SLCO5A1: variants seen among roughly 807,000 people sequenced by gnomAD.
SLCO5A1 encodes the protein solute carrier organic anion transporter family member 5A1.
In SLCO5A1, 39 loss-of-function variants were observed where a neutral mutation model predicts 65.1. That is an observed-to-expected ratio of 0.60 (90% CI 0.46 to 0.78). The LOEUF (loss-of-function observed/expected upper bound fraction) is 0.78. Ranked by LOEUF, SLCO5A1 falls within the 30% of genes least tolerant of loss-of-function variation. SLCO5A1 has a pLI of 0.00. For missense variants in SLCO5A1, 1,029 were observed against 1,069.4 expected, an observed-to-expected ratio of 0.96 and a Z score of 0.53; for synonymous variants, 438 against 415.7, an observed-to-expected ratio of 1.05 and a Z score of -0.65.
chr8:69,688,487 TC>T (rs1814097337), intron 6 of SLCO5A1, among the ~76,000 whole-genome samples: 1 of 150,044 alleles, frequency 6.7e-6, no homozygotes, highest in South Asian at 2.1e-4. Flanking sequence ...CCCTCCCCGC[TC>T]CCCCCACCCC....
chr8:69,723,562 C>A (rs1380349921), intron 5 of SLCO5A1, among the ~76,000 whole-genome samples: 1 of 151,978 alleles, frequency 6.6e-6, no homozygotes, highest in Admixed American at 6.6e-5. Context: ...AAGTTAACAT[C>A]TTTCTCAAAA....
At chr8:69,709,308 A>G (rs114318412) in intron 5 of SLCO5A1, among the ~76,000 whole-genome samples, 1 of 152,188 alleles carries the variant, frequency 6.6e-6, no homozygotes, top group East Asian at 1.9e-4. Context: ...TTGAATGTGG[A>G]GGGGAAATTT....
chr8:69,789,040 T>A (rs1025166411), intron 2 of SLCO5A1, among the ~76,000 whole-genome samples: 2 of 152,180 alleles, frequency 1.3e-5, no homozygotes, highest in African/African-American at 2.4e-5. Flanking sequence ...CCCAAACATA[T>A]GTATTTATTT....
At chr8:69,722,903 A>T (rs1434709754) in intron 5 of SLCO5A1, among the ~76,000 whole-genome samples, 1 of 152,162 alleles carries the variant, frequency 6.6e-6, no homozygotes, top group Non-Finnish European at 1.5e-5. Context: ...TGATACAGAG[A>T]TGAGGCAGTG....
At chr8:69,700,894 A>G (rs2933055) in intron 6 of SLCO5A1, among the ~76,000 whole-genome samples, 106,878 of 151,760 alleles carry the variant, frequency 0.7, 39,082 homozygotes, top group African/African-American at 0.91. Context: ...AGCCTACACA[A>G]CCTTTTTGTA....
In SLCO5A1 at chr8:69,755,453, G is replaced by T. The variant is rs2130858825; in HGVS notation, c.1229C>A (p.Ser410Tyr). 6.2e-7 allele frequency: 1 copy of T among 1,613,920 alleles called. No individual in the cohort carries two copies. Among genetic ancestry groups the T allele is most frequent in the Non-Finnish European group, 8.5e-7 (1 of 1,179,984 alleles). The stretch of plus-strand genomic sequence containing the variant: ...GACATCCTTTCCAAATCCCATCGAA[G>T]AAACTTTTTTGTCCGCTTGTTCACT... ...NNSEQADKKV[S>Y]SMGFGKDVRD... Residue 410 changes from serine to tyrosine, a missense_variant, in exon 4 of 10, where the codon TCT becomes TAT. Physicochemically the swap from Ser to Tyr is moderately radical, Grantham distance 144. Around this residue, in one of 3 missense-constraint regions of SLCO5A1, gnomAD observed 647 missense variants for 647.5 expected, o/e 1.00. Transcript: ENST00000260126.
intron 4 of SLCO5A1, among the ~76,000 whole-genome samples, chr8:69,740,636 C>G (rs1301372037): frequency 6.6e-6 from 1 of 152,132 alleles, no homozygotes; most frequent in African/African-American, 2.4e-5. Flanking sequence ...TTTCTAAAAA[C>G]CATCTTCTAA....
chr8:69,717,248 C>T (rs746364440), intron 5 of SLCO5A1, among the ~76,000 whole-genome samples: 5 of 152,104 alleles, frequency 3.3e-5, no homozygotes, highest in South Asian at 2.1e-4. Flanking sequence ...TTAAGGCTTT[C>T]GATTTATTTT....
chr8:69,772,988 A>T (rs1818397569), intron 2 of SLCO5A1: 1 of 984,648 alleles, frequency 1.0e-6, no homozygotes, highest in Non-Finnish European at 1.2e-6. Flanking sequence ...TGGGAAAGGA[A>T]TGATACGTTA....
chr8:69,819,907 G>A (rs2130918913), intron 2 of SLCO5A1, among the ~76,000 whole-genome samples: 1 of 152,292 alleles, frequency 6.6e-6, no homozygotes, highest in Middle Eastern at 3.4e-3. Flanking sequence ...AGGTTGCAGT[G>A]AGCCAAGATT....
chr8:69,816,048 T>C (rs770587662), intron 2 of SLCO5A1, among the ~76,000 whole-genome samples: 18 of 152,214 alleles, frequency 1.2e-4, no homozygotes, highest in Non-Finnish European at 1.9e-4. Context: ...AATACTTCTC[T>C]GATTCTATGA....
At chr8:69,777,468 T>C (rs575724915) in intron 2 of SLCO5A1, among the ~76,000 whole-genome samples, 1 of 135,052 alleles carries the variant, frequency 7.4e-6, no homozygotes, top group Middle Eastern at 3.7e-3. Flanking sequence ...TGGATCTGTT[T>C]GCCATCTTGA....
intron 2 of SLCO5A1, among the ~76,000 whole-genome samples, chr8:69,814,488 CAG>C (rs1214684460): frequency 3.3e-5 from 5 of 151,998 alleles, no homozygotes; most frequent in African/African-American, 4.8e-5. Context: ...TCACACCTGT[CAG>C]AACAGCTATT....
intron 1 of SLCO5A1, 122 bp downstream of exon 1, chr8:69,834,732 T>A (rs1279067038): frequency 1.3e-5 from 1 of 74,716 alleles, no homozygotes; most frequent in East Asian, 4.9e-4. Flanking sequence ...TACACGCACA[T>A]CCTACACACA....
At chr8:69,762,261 A>C (rs1174925732) in intron 2 of SLCO5A1, among the ~76,000 whole-genome samples, 2 of 151,018 alleles carry the variant, frequency 1.3e-5, no homozygotes, top group African/African-American at 4.9e-5. Flanking sequence ...ATCTCAGCTC[A>C]CTGCAAGCTC....
At chr8:69,767,889 CA>C (rs746004982) in intron 2 of SLCO5A1, among the ~76,000 whole-genome samples, 2,140 of 35,038 alleles carry the variant, frequency 0.061, 10 homozygotes, top group East Asian at 0.12. Flanking sequence ...GACTCCATCT[CA>C]AAAAAAAAAA....
intron 5 of SLCO5A1, among the ~76,000 whole-genome samples, chr8:69,717,345 T>C (rs1815599015): frequency 6.6e-6 from 1 of 152,182 alleles, no homozygotes; most frequent in Non-Finnish European, 1.5e-5. Flanking sequence ...CACCATTTGT[T>C]GAAAATACTA....
At chr8:69,772,879 A>T in intron 2 of SLCO5A1, 1 of 974,404 alleles carries the variant, frequency 1.0e-6, no homozygotes, top group Non-Finnish European at 1.2e-6. Flanking sequence ...GGTGAACAAA[A>T]CTGATGCATT....
intron 6 of SLCO5A1, among the ~76,000 whole-genome samples, chr8:69,686,442 T>C (rs1289236049): frequency 6.6e-6 from 1 of 152,208 alleles, no homozygotes; most frequent in Non-Finnish European, 1.5e-5. Context: ...TTTATAAATA[T>C]TATTATCATC....
Sources: gnomAD v4.1 joint callset for allele counts (sites outside exome capture counted in the v4.1 genomes callset) on GRCh38, gnomAD v4.1.1 for gene constraint, gnomAD v4.1.1 regional missense constraint, MANE v1.5 for transcripts, NCBI Gene and HGNC (gene_info 2026-07-23, HGNC 2026-07-21) for gene names.